RORB: variants seen among roughly 807,000 people sequenced by gnomAD.
RORB encodes the protein RAR related orphan receptor B.
In RORB, 6 loss-of-function variants were observed where a neutral mutation model predicts 59.1. That is an observed-to-expected ratio of 0.10 (90% CI 0.06 to 0.20). The LOEUF is 0.20. RORB is among the 10% of genes least tolerant of loss of function. RORB has a pLI of 1.00. For missense variants in RORB, 320 were observed against 560.5 expected, an observed-to-expected ratio of 0.57 and a Z score of 4.33; for synonymous variants, 215 against 204.5, an observed-to-expected ratio of 1.05 and a Z score of -0.44.
rs1161799174 is a variant in RORB at position 74,642,486 on chromosome 9, G to A, written c.308G>A (p.Arg103Gln). The A allele has an allele frequency of 3.7e-6, 6 of 1,613,958 alleles. No homozygotes were observed. The highest frequency in any genetic ancestry group is 1.7e-5 in the Admixed American group (1 of 60,008). The change falls in exon 4 of 10, where the codon CGG (arginine) becomes CAG (glutamine). Residue 103 changes from arginine to glutamine, a missense_variant. Transcript: ENST00000376896. ...LYAEVQKHQQ[R>Q]LQEQRQQQSG... The stretch of plus-strand genomic sequence containing the variant: ...GCTGAGGTGCAGAAGCACCAGCAGC[G>A]GCTGCAGGAACAGCGGCAGCAGCAG...
chr9:74,537,237 T>C lies in RORB; in HGVS notation c.7+39254T>C, dbSNP rs533974762. On this transcript the variant is annotated intron_variant, in intron 1 of 9. Coordinates refer to ENST00000376896, the MANE Select transcript of RORB (RefSeq NM_006914.4). ...GGTTCCTGGCATGAAAATCTGTTTT[T>C]GCTTGGGAACTTGAAGAATAAAGAC... Among the ~76,000 whole-genome samples the C allele has an allele frequency of 5.9e-5, 9 of 152,252 alleles. No individual in the cohort carries two copies. The South Asian group carries it at 1.7e-3, about 28-fold the overall frequency.
chr9:74,557,657 A>G (rs1563936980), intron 1 of RORB, among the ~76,000 whole-genome samples: 1 of 152,096 alleles, frequency 6.6e-6, no homozygotes, highest in East Asian at 1.9e-4. Context: ...TCCCACTATC[A>G]TTGTTAACAT....
chr9:74,588,938 TAA>T (rs11351124), intron 1 of RORB, among the ~76,000 whole-genome samples: 68 of 150,098 alleles, frequency 4.5e-4, no homozygotes, highest in East Asian at 1.8e-3. Context: ...AAGTGATGAT[TAA>T]AAAAAAAAAA....
rs560531337 is a variant in RORB, at chr9:74,618,658, T to C, written c.8-11624T>C. 5.3e-5 allele frequency among the ~76,000 whole-genome samples: 8 copies of C among 152,260 alleles called. No individual in the cohort carries two copies. The East Asian group carries it at 1.5e-3, about 29-fold the overall frequency. On this transcript the variant is annotated intron_variant, in intron 1 of 9. Coordinates refer to ENST00000376896, the MANE Select transcript of RORB (RefSeq NM_006914.4). The stretch of plus-strand genomic sequence containing the variant: ...CAAGTGCTGAGAACTTCAGGAATGG[T>C]CTCTACTGCGTCTATCAATGAACAG...
At chr9:74,532,718 G>A (rs1826261147) in intron 1 of RORB, among the ~76,000 whole-genome samples, 1 of 149,376 alleles carries the variant, frequency 6.7e-6, no homozygotes, top group African/African-American at 2.5e-5. Flanking sequence ...ATACATATAT[G>A]TGTGTTACAT....
chr9:74,507,564 C>T (rs1044209842), intron 1 of RORB, among the ~76,000 whole-genome samples: 13 of 151,994 alleles, frequency 8.6e-5, no homozygotes, highest in South Asian at 2.1e-4. Context: ...TCTAAGTTTC[C>T]GAAGTAAAAA....
At chr9:74,536,146 T>C (rs912157309) in intron 1 of RORB, among the ~76,000 whole-genome samples, 1 of 152,074 alleles carries the variant, frequency 6.6e-6, no homozygotes, top group African/African-American at 2.4e-5. Context: ...CAGTTTATGG[T>C]TTATTATGAT....
At chr9:74,597,818 C>T (rs1157895342) in intron 1 of RORB, among the ~76,000 whole-genome samples, 1 of 152,010 alleles carries the variant, frequency 6.6e-6, no homozygotes, top group African/African-American at 2.4e-5. Flanking sequence ...ATTAGCTGGG[C>T]ATGGGGGCAG....
chr9:74,538,262 A>G (rs1292509883), intron 1 of RORB, among the ~76,000 whole-genome samples: 2 of 152,062 alleles, frequency 1.3e-5, no homozygotes, highest in African/African-American at 4.8e-5. Flanking sequence ...ATCACCTAAC[A>G]TGCATGTCTC....
intron 1 of RORB, among the ~76,000 whole-genome samples, chr9:74,622,686 C>T (rs1404226484): frequency 6.6e-6 from 1 of 151,780 alleles, no homozygotes; most frequent in Admixed American, 6.6e-5. Flanking sequence ...ACCACCACAC[C>T]CAGCTAATTT....
At chr9:74,536,612 T>A (rs2118118348) in intron 1 of RORB, among the ~76,000 whole-genome samples, 1 of 152,106 alleles carries the variant, frequency 6.6e-6, no homozygotes, top group African/African-American at 2.4e-5. Flanking sequence ...TCCAAACCAA[T>A]TGTTCACTCT....
At chr9:74,511,040 A>T (rs1028068323) in intron 1 of RORB, among the ~76,000 whole-genome samples, 4 of 152,220 alleles carry the variant, frequency 2.6e-5, no homozygotes, top group East Asian at 1.9e-4. Context: ...AAAAGACTTT[A>T]TACCTAAAGA....
intron 1 of RORB, among the ~76,000 whole-genome samples, chr9:74,530,365 G>A (rs1472608193): frequency 1.3e-5 from 2 of 152,124 alleles, no homozygotes; most frequent in East Asian, 3.9e-4. Context: ...ATCTGTAAAG[G>A]TGACACTGGT....
chr9:74,672,851 A>T (rs1824370888), intron 9 of RORB, among the ~76,000 whole-genome samples: 1 of 151,884 alleles, frequency 6.6e-6, no homozygotes, highest in African/African-American at 2.4e-5. Context: ...TAGGAATCCT[A>T]CTCTTTATAT....
At chr9:74,583,994 T>C (rs1822761148) in intron 1 of RORB, among the ~76,000 whole-genome samples, 1 of 151,980 alleles carries the variant, frequency 6.6e-6, no homozygotes, top group African/African-American at 2.4e-5. Flanking sequence ...AAAATGCAAC[T>C]TTTTCTGTGA....
chr9:74,498,296 G>A (rs1825742735), intron 1 of RORB: 1 of 442,382 alleles, frequency 2.3e-6, no homozygotes, highest in Non-Finnish European at 4.1e-6. Flanking sequence ...GTGCGGAAGC[G>A]GACGCGGGAT....
At chr9:74,655,724 AC>A (rs1391064544) in intron 4 of RORB, among the ~76,000 whole-genome samples, 1 of 151,862 alleles carries the variant, frequency 6.6e-6, no homozygotes, top group Non-Finnish European at 1.5e-5. Flanking sequence ...ACAACTGCAG[AC>A]TCTCAGTCTA....
At chr9:74,536,299 A>G (rs1252774326) in intron 1 of RORB, among the ~76,000 whole-genome samples, 2 of 151,938 alleles carry the variant, frequency 1.3e-5, no homozygotes. Flanking sequence ...GAAGAAGAGG[A>G]GGAGGGGAGG....
intron 9 of RORB, among the ~76,000 whole-genome samples, chr9:74,681,303 C>G (rs1228717139): frequency 1.3e-5 from 2 of 152,198 alleles, no homozygotes; most frequent in African/African-American, 4.8e-5. Flanking sequence ...AAGTGATTGC[C>G]TGCTGCTCTC....
Sources: gnomAD v4.1 joint callset for allele counts (sites outside exome capture counted in the v4.1 genomes callset) on GRCh38, gnomAD v4.1.1 for gene constraint, MANE v1.5 for transcripts, NCBI Gene and HGNC (gene_info 2026-07-23, HGNC 2026-07-21) for gene names.